The following FHIT variants were observed in gnomAD, a reference collection of about 807,000 sequenced individuals.
The protein encoded by FHIT is fragile histidine triad diadenosine triphosphatase, also known as bis(5'-adenosyl)-triphosphatase.
Under a neutral mutation model 17.9 loss-of-function variants are expected in FHIT, and 19 were observed. The ratio of observed to expected loss-of-function variants is 1.06; its 90% CI spans 0.74 to 1.56. The LOEUF (loss-of-function observed/expected upper bound fraction) is 1.56. FHIT is among the 40% of genes most tolerant of loss of function. The pLI, the probability that FHIT is intolerant of heterozygous loss-of-function variation, is 0.00. For synonymous variants in FHIT, 81 were observed against 69.7 expected (o/e 1.16, Z -0.81); for missense variants, 248 against 189.2 (o/e 1.31, Z -1.82).
chr3:60,514,886 G>A (rs567336077), intron 5 of FHIT, among the ~76,000 whole-genome samples: 58 of 151,884 alleles, frequency 3.8e-4, no homozygotes, highest in African/African-American at 1.4e-3. Flanking sequence ...CCCACCAACA[G>A]CCACACTGAC....
Position 60,614,809 on chromosome 3 carries a change from G to GTTTTTTT in FHIT, c.-17-77837_-17-77831dup, listed in dbSNP as rs147892145. 6.7e-4 allele frequency among the ~76,000 whole-genome samples: 52 copies of GTTTTTTT among 78,150 alleles called. 1 individual carries two copies. Among genetic ancestry groups the GTTTTTTT allele is most frequent in the Middle Eastern group, 6.8e-3 (1 of 146 alleles). The allele number at this position is 78,150 out of a possible 152,430, so 51.3% of individuals were successfully genotyped here. ...CGATTTGTAAAAAATTGCAAAAGTT[G>GTTTTTTT]TTTTTTTTTTGTTTTTTTTTTGTTT... On this transcript the variant is annotated intron_variant, in intron 4 of 9. Coordinates refer to ENST00000492590, the MANE Select transcript of FHIT (RefSeq NM_002012.4).
chr3:61,016,092 A>G (rs1473968219), intron 3 of FHIT, among the ~76,000 whole-genome samples: 2 of 152,164 alleles, frequency 1.3e-5, no homozygotes, highest in African/African-American at 4.8e-5. Context: ...CCCAAAGAGG[A>G]TGTGTTTTCA....
chr3:60,387,359 CCT>C (rs1190814126), intron 5 of FHIT, among the ~76,000 whole-genome samples: 1 of 152,066 alleles, frequency 6.6e-6, no homozygotes, highest in Non-Finnish European at 1.5e-5. Flanking sequence ...GCTTTGTTCA[CCT>C]CTGTTTCTAT....
intron 2 of FHIT, among the ~76,000 whole-genome samples, chr3:61,062,379 C>A (rs1184644939): frequency 1.3e-5 from 2 of 152,034 alleles, no homozygotes; most frequent in Admixed American, 1.3e-4. Context: ...AAGCAACTAC[C>A]CAATCTCAAA....
intron 7 of FHIT, among the ~76,000 whole-genome samples, chr3:59,992,135 C>T (rs1223173116): frequency 3.3e-5 from 5 of 151,870 alleles, no homozygotes; most frequent in Admixed American, 6.6e-5. Context: ...GAATATAGAA[C>T]ATGAAGCCCA....
chr3:60,062,283 G>A (rs1702323900), intron 5 of FHIT, among the ~76,000 whole-genome samples: 4 of 152,150 alleles, frequency 2.6e-5, no homozygotes, highest in Admixed American at 2.6e-4. Context: ...CAATGAATGA[G>A]AGTGGAAATG....
chr3:61,107,514 T>C (rs1022417431), intron 2 of FHIT, among the ~76,000 whole-genome samples: 13 of 152,176 alleles, frequency 8.5e-5, no homozygotes, highest in African/African-American at 3.1e-4. Context: ...AATCATATGG[T>C]GGTTCTAATT....
chr3:60,896,143 T>C (rs909888389), intron 3 of FHIT, among the ~76,000 whole-genome samples: 3 of 152,124 alleles, frequency 2.0e-5, no homozygotes, highest in Non-Finnish European at 4.4e-5. Flanking sequence ...TGATTTTAGA[T>C]GGAACAGTTT....
At chr3:60,337,022 C>T (rs1357459625) in intron 5 of FHIT, among the ~76,000 whole-genome samples, 4 of 152,040 alleles carry the variant, frequency 2.6e-5, no homozygotes, top group East Asian at 1.9e-4. Flanking sequence ...GTACTTGCCA[C>T]GACCACACAC....
At chr3:60,126,829 T>G (rs938034101) in intron 5 of FHIT, among the ~76,000 whole-genome samples, 2 of 152,126 alleles carry the variant, frequency 1.3e-5, no homozygotes, top group African/African-American at 4.8e-5. Flanking sequence ...AGTGTGAAAA[T>G]TCAGGAGACC....
intron 3 of FHIT, among the ~76,000 whole-genome samples, chr3:60,871,705 C>G (rs1365906968): frequency 1.3e-5 from 2 of 152,110 alleles, no homozygotes; most frequent in African/African-American, 4.8e-5. Context: ...ACAATCATGG[C>G]TCAATGTAGC....
intron 5 of FHIT, among the ~76,000 whole-genome samples, chr3:60,251,241 A>G (rs1705695131): frequency 6.6e-6 from 1 of 152,232 alleles, no homozygotes; most frequent in South Asian, 2.1e-4. Context: ...GCACTTGAGT[A>G]TCATATAGTC....
At chr3:60,330,158 A>G (rs1002204121) in intron 5 of FHIT, among the ~76,000 whole-genome samples, 1 of 152,188 alleles carries the variant, frequency 6.6e-6, no homozygotes, top group Non-Finnish European at 1.5e-5. Flanking sequence ...TGTTTTACAA[A>G]CAACTGGGCT....
intron 5 of FHIT, among the ~76,000 whole-genome samples, chr3:60,026,143 T>C (rs1210694911): frequency 3.3e-5 from 5 of 151,828 alleles, no homozygotes; most frequent in Admixed American, 2.0e-4. Context: ...AAATCCAGGG[T>C]TTCAAACAAA....
At chr3:60,065,776 A>G (rs1161871925) in intron 5 of FHIT, among the ~76,000 whole-genome samples, 2 of 152,016 alleles carry the variant, frequency 1.3e-5, no homozygotes, top group African/African-American at 4.8e-5. Flanking sequence ...TTCCCATCCC[A>G]TGGCCAACTA....
At chr3:60,263,438 C>A (rs996503111) in intron 5 of FHIT, among the ~76,000 whole-genome samples, 3 of 151,882 alleles carry the variant, frequency 2.0e-5, no homozygotes, top group African/African-American at 7.2e-5. Context: ...GTAGACACAA[C>A]CTAAATGTCC....
intron 5 of FHIT, among the ~76,000 whole-genome samples, chr3:60,233,131 T>C (rs1354352292): frequency 5.9e-5 from 9 of 152,164 alleles, no homozygotes; most frequent in Non-Finnish European, 2.9e-5. Context: ...TGGGAGTCAC[T>C]ATACTTTTCT....
At chr3:60,476,452 C>T (rs995474928) in intron 5 of FHIT, among the ~76,000 whole-genome samples, 2 of 152,136 alleles carry the variant, frequency 1.3e-5, no homozygotes, top group African/African-American at 4.8e-5. Flanking sequence ...AGTGAGACTA[C>T]TGCAATAGGG....
chr3:60,997,475 A>G (rs2030754565), intron 3 of FHIT, among the ~76,000 whole-genome samples: 1 of 152,108 alleles, frequency 6.6e-6, no homozygotes, highest in Non-Finnish European at 1.5e-5. Flanking sequence ...ACTTGGCAAC[A>G]TCTGGCTGAA....
Sources: allele counts gnomAD v4.1 joint callset (sites outside exome capture counted in the v4.1 genomes callset), GRCh38; gene constraint gnomAD v4.1.1; transcripts MANE v1.5; gene names NCBI Gene and HGNC (gene_info 2026-07-23, HGNC 2026-07-21).